The following BEND2 variants were observed in gnomAD, a reference collection of about 807,000 sequenced individuals.
BEND2 encodes BEN domain containing 2.
In BEND2, 19 loss-of-function variants were observed where a neutral mutation model predicts 43.8. The observed-to-expected ratio is 0.43, with a 90% confidence interval of 0.30 to 0.64. The LOEUF is 0.64. Among genes scored for constraint, BEND2 ranks in the 30% least tolerant of loss-of-function variants. The probability of loss-of-function intolerance (pLI) is 0.11; values close to 1 mark genes in which losing one functional copy is unlikely to be tolerated. For missense variants in BEND2, 544 were observed against 574.0 expected (o/e 0.95, Z 0.53); for synonymous variants, 226 against 210.1 (o/e 1.08, Z -0.66).
At chrX:18,201,376 A>G (rs1170770541) in intron 6 of BEND2, among the ~76,000 whole-genome samples, 1 of 90,345 alleles carries the variant, frequency 1.1e-5, no homozygotes, top group Non-Finnish European at 2.2e-5. Context: ...AGCCTGGGCA[A>G]CAAGAGCAAA....
In BEND2 at chrX:18,203,845, G is replaced by A. The variant is rs12859329; in HGVS notation, c.563C>T (p.Ser188Phe). 12 of 1,208,849 alleles carry A rather than the reference G, an allele frequency of 9.9e-6. No homozygotes were observed. The South Asian group carries it at 2.1e-4, about 21-fold the overall frequency. Residue 188 changes from serine (S) to phenylalanine (F), a missense_variant, in exon 5 of 14, where the codon TCT becomes TTT. Transcript: ENST00000380033. ...TTCATGACATGCTGCTGACTCAAGA[G>A]ATGTTACAGCAGGGCTGGCCCAGGC... ...THAWASPAVT[S>F]LESAACHELQ...
intron 10 of BEND2, among the ~76,000 whole-genome samples, chrX:18,176,631 A>G (rs1924168716): frequency 2.7e-5 from 3 of 110,038 alleles, no homozygotes; most frequent in Non-Finnish European, 5.7e-5. Context: ...CCGAGCTATG[A>G]TCAAACCACT....
intron 2 of BEND2, among the ~76,000 whole-genome samples, 157 bp downstream of exon 2, chrX:18,216,363 GA>G (rs1017917028): frequency 2.7e-5 from 3 of 110,488 alleles, no homozygotes; most frequent in Admixed American, 2.0e-4. Flanking sequence ...TAAGTGAAGG[GA>G]AAATGCAAGC....
In BEND2 at chrX:18,217,917, C is replaced by T. The variant is rs866510538; in HGVS notation, c.26-1184G>A. 5.7e-4 allele frequency among the ~76,000 whole-genome samples: 55 copies of T among 97,271 alleles called. No individual in the cohort carries two copies. The Middle Eastern group carries it at 0.021, about 38-fold the overall frequency. 84.5% of individuals were successfully genotyped at this position (97,271 alleles called of 115,157 possible). A position where few individuals can be genotyped will look rare whatever the true frequency, so the allele number is the denominator to read the frequency against. On this transcript the variant is annotated intron_variant, in intron 1 of 13. Coordinates refer to ENST00000380033, the MANE Select transcript of BEND2 (RefSeq NM_153346.5). ...GCAACATGGCGAAATCCTGTCTCTA[C>T]CAAAAAATAATAATAATAATAATAA...
chrX:18,170,122 A>G (rs1161805904), intron 13 of BEND2, among the ~76,000 whole-genome samples: 2 of 111,842 alleles, frequency 1.8e-5, no homozygotes, highest in African/African-American at 6.5e-5. Context: ...AGTTGTAACC[A>G]ATTACTAGGT....
At chrX:18,177,836 A>C in intron 9 of BEND2, 67 bp from the exon 10 acceptor site, 2 of 900,275 alleles carry the variant, frequency 2.2e-6, no homozygotes, top group Non-Finnish European at 3.2e-6. Context: ...CAAAGTACAC[A>C]AGAGAATTAC....
intron 8 of BEND2, among the ~76,000 whole-genome samples, chrX:18,185,016 A>G (rs1232356022): frequency 9.1e-6 from 1 of 109,731 alleles, no homozygotes; most frequent in Non-Finnish European, 1.9e-5. Flanking sequence ...AATGCGGTTG[A>G]CATACTGAAG....
chrX:18,175,668 A>G (rs1924123410), intron 11 of BEND2, among the ~76,000 whole-genome samples: 1 of 112,506 alleles, frequency 8.9e-6, no homozygotes, highest in Non-Finnish European at 1.9e-5. Context: ...TCGGTGAGAT[A>G]CTGCAAAAGA....
chrX:18,203,900 A>T lies in BEND2; in HGVS notation c.508T>A (p.Ser170Thr). Residue 170 changes from serine to threonine, a missense_variant, in exon 5 of 14, where the codon TCA becomes ACA. Coordinates refer to ENST00000380033, the MANE Select transcript of BEND2 (RefSeq NM_153346.5). Reference sequence around the variant, plus strand: ...GTTTCCTGCCTTTCCGCTGGTGGTGATATGCTAGACTGTACCTATCCAGGG... The same window carrying T: ...GTTTCCTGCCTTTCCGCTGGTGGTGTTATGCTAGACTGTACCTATCCAGGG... ...FYTPEVQSSI[S>T]PPAERQETHA... 8.3e-7 allele frequency: 1 copy of T among 1,203,546 alleles called. No individual in the cohort carries two copies. The highest frequency in any genetic ancestry group is 1.1e-6 in the Non-Finnish European group (1 of 889,448).
chrX:18,207,806 GTC>G (rs1183703900), intron 4 of BEND2, among the ~76,000 whole-genome samples: 1 of 111,048 alleles, frequency 9.0e-6, no homozygotes, highest in Non-Finnish European at 1.9e-5. Flanking sequence ...ATCACCTGAG[GTC>G]AGGAGTTCGA....
At chrX:18,217,671 G>GA (rs929435338) in intron 1 of BEND2, among the ~76,000 whole-genome samples, 1 of 110,039 alleles carries the variant, frequency 9.1e-6, no homozygotes, top group East Asian at 2.8e-4. Context: ...AGTCTTCATG[G>GA]AAAAAAAATA....
chrX:18,209,499 A>T (rs1925440993), intron 4 of BEND2, among the ~76,000 whole-genome samples: 1 of 112,096 alleles, frequency 8.9e-6, no homozygotes. Flanking sequence ...CAATGTTAAC[A>T]TCACCAATAA....
At chrX:18,187,869 T>C (rs1924625889) in intron 8 of BEND2, among the ~76,000 whole-genome samples, 1 of 111,539 alleles carries the variant, frequency 9.0e-6, no homozygotes, top group African/African-American at 3.2e-5. Flanking sequence ...ATGAGGAATT[T>C]GGGAAACTAT....
intron 7 of BEND2, among the ~76,000 whole-genome samples, chrX:18,194,409 T>TAA (rs1376843631): frequency 1.0e-5 from 1 of 98,684 alleles, no homozygotes. Flanking sequence ...GTGAATGGTT[T>TAA]AAAAAAAAAA....
intron 6 of BEND2, among the ~76,000 whole-genome samples, chrX:18,195,898 GAGGA>G (rs1195665566): frequency 2.4e-5 from 2 of 83,341 alleles, no homozygotes; most frequent in Middle Eastern, 6.3e-3. Flanking sequence ...GAAAGAGACA[GAGGA>G]AGGGAGGGAG....
chrX:18,220,823 G>A lies in BEND2; in HGVS notation c.-73C>T, dbSNP rs1252653713. 6 of 1,069,408 alleles carry A rather than the reference G, an allele frequency of 5.6e-6. No individual in the cohort carries two copies. The South Asian group carries it at 6.2e-5, about 11-fold the overall frequency. 88.1% of individuals were successfully genotyped at this position (1,069,408 alleles called of 1,213,427 possible). A position where few individuals can be genotyped will look rare whatever the true frequency, so the allele number is the denominator to read the frequency against. ...GACCTGAGGCCTACGTCTGCGCCGCGGCTCTGAGGTAACTGCTTGGTAACT... is the reference window on the plus strand; with the variant it reads ...GACCTGAGGCCTACGTCTGCGCCGCAGCTCTGAGGTAACTGCTTGGTAACT... On this transcript the variant is annotated 5_prime_UTR_variant, in exon 1 of 14. Coordinates refer to ENST00000380033, the MANE Select transcript of BEND2 (RefSeq NM_153346.5).
intron 11 of BEND2, among the ~76,000 whole-genome samples, chrX:18,175,217 C>G (rs1390460642): frequency 8.9e-6 from 1 of 111,757 alleles, no homozygotes; most frequent in Non-Finnish European, 1.9e-5. Context: ...ACCCGTTCAC[C>G]AGGGAAACAT....
chrX:18,195,128 G>A (rs1924895095), intron 7 of BEND2, among the ~76,000 whole-genome samples, 168 bp downstream of exon 7: 1 of 111,487 alleles, frequency 9.0e-6, no homozygotes, highest in African/African-American at 3.3e-5. Context: ...ATTAGGTAAA[G>A]GGTAGTCAGG....
intron 4 of BEND2, among the ~76,000 whole-genome samples, chrX:18,205,461 C>T (rs1925302122): frequency 9.2e-6 from 1 of 108,570 alleles, no homozygotes; most frequent in Admixed American, 1.0e-4. Context: ...AAAAATGTAG[C>T]CAGGCATGGT....
Sources: allele counts gnomAD v4.1 joint callset (sites outside exome capture counted in the v4.1 genomes callset), GRCh38; gene constraint gnomAD v4.1.1; transcripts MANE v1.5; gene names NCBI Gene and HGNC (gene_info 2026-07-23, HGNC 2026-07-21).